The following GPATCH2 variants were observed in gnomAD, a reference collection of about 807,000 sequenced individuals.
GPATCH2 encodes the protein G patch domain-containing protein 2.
In GPATCH2, 51 loss-of-function variants were observed where a neutral mutation model predicts 58.0. The ratio of observed to expected loss-of-function variants is 0.88; its 90% CI spans 0.70 to 1.11. The LOEUF (loss-of-function observed/expected upper bound fraction) is 1.11, where lower values mean the gene tolerates loss of function less well. Ranked by LOEUF, GPATCH2 falls within the 50% of genes most tolerant of loss-of-function variation. The pLI is 0.00. For synonymous variants in GPATCH2, 222 were observed against 218.5 expected (o/e 1.02, Z -0.14); for missense variants, 625 against 652.2 (o/e 0.96, Z 0.45).
intron 5 of GPATCH2, among the ~76,000 whole-genome samples, chr1:217,523,242 A>G (rs948834201): frequency 6.6e-6 from 1 of 151,556 alleles, no homozygotes; most frequent in Non-Finnish European, 1.5e-5. Flanking sequence ...GCAGGGTCAC[A>G]GGACAATAGT....
chr1:217,491,741 G>A lies in GPATCH2; in HGVS notation c.1216C>T (p.Leu406=). ...CCTCTTTCAGCTCGATTATCTCTCA[G>A]AAGCTGATGCTACACAAAGTGTTAA... The part of the protein sequence containing the change: ...ARTEHDQHQL[L]RDNRAERGHK... Residue 406 remains leucine (L), a synonymous_variant, in exon 8 of 10, where the codon CTG becomes TTG. Coordinates refer to ENST00000366935, the MANE Select transcript of GPATCH2 (RefSeq NM_018040.5). The A allele has an allele frequency of 7.1e-7, 1 of 1,399,954 alleles. No homozygotes were observed. 86.7% of individuals were successfully genotyped at this position (1,399,954 alleles called of 1,614,324 possible).
chr1:217,485,924 T>C (rs1307031638), intron 8 of GPATCH2, among the ~76,000 whole-genome samples: 1 of 152,248 alleles, frequency 6.6e-6, no homozygotes, highest in Non-Finnish European at 1.5e-5. Context: ...CCAGACTGTC[T>C]TAATTAACAT....
chr1:217,558,789 T>A (rs941001906), intron 5 of GPATCH2, among the ~76,000 whole-genome samples: 91 of 151,938 alleles, frequency 6.0e-4, no homozygotes, highest in African/African-American at 2.0e-3. Context: ...CTACAAAAGG[T>A]TTTAAAAAAT....
intron 5 of GPATCH2, among the ~76,000 whole-genome samples, chr1:217,572,209 T>A (rs1281982269): frequency 6.6e-6 from 1 of 152,124 alleles, no homozygotes; most frequent in African/African-American, 2.4e-5. Flanking sequence ...CATTGATAGC[T>A]AGTAGAAGAA....
chr1:217,461,262 A>G (rs1660185166), intron 8 of GPATCH2, among the ~76,000 whole-genome samples: 1 of 152,180 alleles, frequency 6.6e-6, no homozygotes, highest in South Asian at 2.1e-4. Context: ...AGGTTAAACT[A>G]TTGCTTATTG....
chr1:217,597,956 A>T (rs1226233238), intron 5 of GPATCH2, among the ~76,000 whole-genome samples: 1 of 152,248 alleles, frequency 6.6e-6, no homozygotes, highest in African/African-American at 2.4e-5. Context: ...CTGGGACTGT[A>T]TATGCTATCA....
intron 5 of GPATCH2, among the ~76,000 whole-genome samples, chr1:217,548,632 C>A (rs1244793137): frequency 6.6e-6 from 1 of 152,164 alleles, no homozygotes; most frequent in African/African-American, 2.4e-5. Flanking sequence ...ACCCAAATCT[C>A]ATCTTGTAGT....
intron 5 of GPATCH2, among the ~76,000 whole-genome samples, chr1:217,518,205 A>C (rs921012231): frequency 6.6e-6 from 1 of 152,186 alleles, no homozygotes; most frequent in African/African-American, 2.4e-5. Flanking sequence ...AAAAGATCAC[A>C]TGGATCTTAG....
chr1:217,627,482 T>C (rs572795239), intron 1 of GPATCH2, among the ~76,000 whole-genome samples: 2 of 152,176 alleles, frequency 1.3e-5, no homozygotes, highest in South Asian at 4.1e-4. Context: ...AAAAAATTAA[T>C]GCTATGTATC....
At chr1:217,532,877 CTTTTTTTTGTT>C (rs1664262124) in intron 5 of GPATCH2, among the ~76,000 whole-genome samples, 1 of 134,270 alleles carries the variant, frequency 7.4e-6, no homozygotes, top group African/African-American at 2.8e-5. Flanking sequence ...TGCTCTTTAT[CTTTTTTTTGTT>C]TTTTTTTTTT....
intron 8 of GPATCH2, among the ~76,000 whole-genome samples, chr1:217,473,145 T>G (rs1028572180): frequency 6.6e-6 from 1 of 152,168 alleles, no homozygotes; most frequent in Non-Finnish European, 1.5e-5. Context: ...TCATATAACC[T>G]GTGGCACATG....
intron 5 of GPATCH2, among the ~76,000 whole-genome samples, chr1:217,548,645 C>T (rs1298564316): frequency 6.6e-6 from 1 of 152,036 alleles, no homozygotes; most frequent in African/African-American, 2.4e-5. Context: ...CTTGTAGTTC[C>T]CATAATCCCC....
At position 217,428,610 on chromosome 1, in the gene GPATCH2, G is replaced by A. The variant is rs1658407653; in HGVS notation, c.*2535C>T. The A allele has an allele frequency of 6.6e-6, 1 of 152,182 alleles. No individual in the cohort carries two copies. 9.4% of individuals were successfully genotyped at this position (152,182 alleles called of 1,614,324 possible). A position where few individuals can be genotyped will look rare whatever the true frequency, so the allele number is the denominator to read the frequency against. Reference sequence around the variant, plus strand: ...TGGGATGTTATCACTTCTCTGCTTTGAGTGCTGATTCACATATACTGTAGA... The same window carrying A: ...TGGGATGTTATCACTTCTCTGCTTTAAGTGCTGATTCACATATACTGTAGA... On this transcript the variant is annotated 3_prime_UTR_variant, in exon 10 of 10. Transcript: ENST00000366935.
intron 7 of GPATCH2, among the ~76,000 whole-genome samples, chr1:217,493,415 G>A (rs1412039909): frequency 3.3e-5 from 5 of 152,042 alleles, no homozygotes; most frequent in Non-Finnish European, 7.4e-5. Context: ...TATGTACCAT[G>A]CTGTTGCTCA....
intron 5 of GPATCH2, among the ~76,000 whole-genome samples, chr1:217,581,160 T>C (rs983498810): frequency 4.6e-5 from 7 of 152,270 alleles, no homozygotes; most frequent in South Asian, 4.1e-4. Flanking sequence ...CGCTCTACAC[T>C]TGGTGGAAAG....
intron 5 of GPATCH2, among the ~76,000 whole-genome samples, chr1:217,526,105 C>T (rs761117863): frequency 1.9e-4 from 29 of 152,078 alleles, no homozygotes; most frequent in Non-Finnish European, 3.2e-4. Flanking sequence ...TTGCATAAAA[C>T]CTTAATTTAC....
chr1:217,489,137 AT>A (rs1433211793), intron 8 of GPATCH2, among the ~76,000 whole-genome samples: 1 of 142,282 alleles, frequency 7.0e-6, no homozygotes, highest in Non-Finnish European at 1.5e-5. Context: ...GGGTATCACT[AT>A]TTTGCCCAGG....
chr1:217,524,770 A>C (rs181721315), intron 5 of GPATCH2, among the ~76,000 whole-genome samples: 82 of 146,560 alleles, frequency 5.6e-4, no homozygotes, highest in Middle Eastern at 3.4e-3. Context: ...CTTAGGCAGG[A>C]GAATCAGGCA....
At chr1:217,445,630 A>G (rs994015063) in intron 9 of GPATCH2, among the ~76,000 whole-genome samples, 1 of 152,150 alleles carries the variant, frequency 6.6e-6, no homozygotes, top group African/African-American at 2.4e-5. Flanking sequence ...AATGACGCAG[A>G]GAACAAGCTA....
Sources: gnomAD v4.1 joint callset for allele counts (sites outside exome capture counted in the v4.1 genomes callset) on GRCh38, gnomAD v4.1.1 for gene constraint, MANE v1.5 for transcripts, NCBI Gene and HGNC (gene_info 2026-07-23, HGNC 2026-07-21) for gene names.